The following TTYH2 variants were observed in gnomAD, a reference collection of about 807,000 sequenced individuals.
TTYH2 encodes the protein protein tweety homolog 2.
In TTYH2, 49 loss-of-function variants were observed where a neutral mutation model predicts 68.3. That is an observed-to-expected ratio of 0.72 (90% CI 0.57 to 0.91). The LOEUF (loss-of-function observed/expected upper bound fraction) is 0.91, where lower values mean the gene tolerates loss of function less well. TTYH2 is among the 40% of genes least tolerant of loss of function. The probability of loss-of-function intolerance (pLI) is 0.00; values close to 1 mark genes in which losing one functional copy is unlikely to be tolerated. For synonymous variants in TTYH2, 272 were observed against 300.8 expected, an observed-to-expected ratio of 0.90 and a Z score of 0.99; for missense variants, 631 against 700.4, an observed-to-expected ratio of 0.90 and a Z score of 1.12.
intron 13 of TTYH2, among the ~76,000 whole-genome samples, chr17:74,258,192 C>A (rs114221553): frequency 6.6e-6 from 1 of 152,078 alleles, no homozygotes; most frequent in Non-Finnish European, 1.5e-5. Flanking sequence ...CTCATACTTG[C>A]GTATGCATCA....
intron 3 of TTYH2, among the ~76,000 whole-genome samples, chr17:74,231,418 G>T (rs1267359694): frequency 6.6e-6 from 1 of 152,204 alleles, no homozygotes; most frequent in Non-Finnish European, 1.5e-5. Context: ...TGAGGGCTGG[G>T]CGTGGTGGCT....
Position 74,249,352 on chromosome 17 carries a change from C to G in TTYH2, c.883C>G (p.Arg295Gly), listed in dbSNP as rs779202914. 1.9e-6 allele frequency: 3 copies of G among 1,614,148 alleles called. No individual in the cohort carries two copies. The highest frequency in any genetic ancestry group is 2.2e-5 in the South Asian group (2 of 91,088). The change falls in exon 8 of 14, where the codon CGC becomes GGC. Residue 295 changes from arginine (R) to glycine (G), a missense_variant. Physicochemically the swap from Arg to Gly is moderately radical, Grantham distance 125 (BLOSUM62 -2). Coordinates refer to ENST00000269346, the MANE Select transcript of TTYH2 (RefSeq NM_032646.6). ...ATGCCGTTGCCCTGCAGAGGTGACT[C>G]GCTACTACCTGTATTGCAGCCAGAG... is the stretch of plus-strand genomic sequence containing the variant. ...TEGQISTEVT[R>G]YYLYCSQSGS...
intron 13 of TTYH2, among the ~76,000 whole-genome samples, chr17:74,255,092 G>C (rs138303708): frequency 3.7e-4 from 57 of 152,344 alleles, no homozygotes; most frequent in African/African-American, 1.3e-3. Flanking sequence ...AAAGGACACA[G>C]AAATACTGGC....
rs775992996 is a variant in TTYH2, at chr17:74,231,011, G to A, written c.414+12G>A. ...GGATCGATGCTCTGGTAAGGCTCCC[G>A]GGCAGCTGGCCGGGTACAGGCACAG... On this transcript the variant is annotated intron_variant, in intron 3 of 13. Transcript: ENST00000269346. 36 of 1,612,306 alleles carry A rather than the reference G, an allele frequency of 2.2e-5. No individual in the cohort carries two copies. The highest frequency in any genetic ancestry group is 8.0e-5 in the African/African-American group (6 of 74,974).
At chr17:74,223,786 T>C (rs6501702) in intron 2 of TTYH2, among the ~76,000 whole-genome samples, 31,839 of 152,158 alleles carry the variant, frequency 0.21, 9,833 homozygotes, top group African/African-American at 0.68. Flanking sequence ...AGGCAGGTCC[T>C]GGTCAGCCTG....
chr17:74,214,452 G>A lies in TTYH2; in HGVS notation c.129+736G>A, dbSNP rs1018846612. Among the ~76,000 whole-genome samples, 13 of 152,108 alleles carry A rather than the reference G, an allele frequency of 8.5e-5. No individual in the cohort carries two copies. Among genetic ancestry groups the A allele is most frequent in the Non-Finnish European group, 1.8e-4 (12 of 68,024 alleles). On this transcript the variant is annotated intron_variant, in intron 1 of 13. Coordinates refer to ENST00000269346, the MANE Select transcript of TTYH2 (RefSeq NM_032646.6). This position sits in a 1 kb window ranked among gnomAD's most constrained non-coding sequence, Gnocchi z 4.6. ...CCTGGTCCTAGACTGGCCCATTCCTGTTCCCCCACGCCCCTCTCTCTACCT... is the reference window on the plus strand; with the variant it reads ...CCTGGTCCTAGACTGGCCCATTCCTATTCCCCCACGCCCCTCTCTCTACCT...
chr17:74,257,589 G>A (rs375603063), intron 13 of TTYH2, among the ~76,000 whole-genome samples: 236 of 152,314 alleles, frequency 1.5e-3, no homozygotes, highest in African/African-American at 5.4e-3. Flanking sequence ...CTCACTGGGT[G>A]GGTGATGTCA....
At chr17:74,259,698 T>C (rs950796861) in intron 13 of TTYH2, among the ~76,000 whole-genome samples, 2 of 152,148 alleles carry the variant, frequency 1.3e-5, no homozygotes, top group African/African-American at 2.4e-5. Flanking sequence ...GGTGCTCTTA[T>C]GTCCATTTTG....
chr17:74,231,003 A>G lies in TTYH2; in HGVS notation c.414+4A>G. 1 of 1,613,316 alleles carries G rather than the reference A, an allele frequency of 6.2e-7. No homozygotes were observed. Among genetic ancestry groups the G allele is most frequent in the Non-Finnish European group, 8.5e-7 (1 of 1,179,638 alleles). On this transcript the variant is annotated splice_donor_region_variant and intron_variant, in intron 3 of 13. Coordinates refer to ENST00000269346, the MANE Select transcript of TTYH2 (RefSeq NM_032646.6). ...CTTCTCTGGGATCGATGCTCTGGTA[A>G]GGCTCCCGGGCAGCTGGCCGGGTAC...
At chr17:74,233,335 A>C (rs2050409148) in intron 3 of TTYH2, among the ~76,000 whole-genome samples, 1 of 152,152 alleles carries the variant, frequency 6.6e-6, no homozygotes, top group African/African-American at 2.4e-5. Context: ...ATCTTAGAAG[A>C]CTTCCCAGAT....
At chr17:74,246,582 T>C (rs915095207) in intron 6 of TTYH2, among the ~76,000 whole-genome samples, 4 of 152,078 alleles carry the variant, frequency 2.6e-5, no homozygotes, top group Non-Finnish European at 2.9e-5. Flanking sequence ...CCTGGGCTGG[T>C]TACTGGGCAG....
At chr17:74,220,889 C>T (rs2050269369) in intron 1 of TTYH2, among the ~76,000 whole-genome samples, 2 of 152,072 alleles carry the variant, frequency 1.3e-5, no homozygotes, top group South Asian at 4.1e-4. Context: ...CAGTCTCAAG[C>T]GATCTTCCCA....
In TTYH2 at chr17:74,215,705, T is replaced by C. The variant is rs1193408246; in HGVS notation, c.129+1989T>C. ...TCTGGGTGTTATTTAAGGTGGCTCC[T>C]GTTTTTGGTAAGTTCCCCTGTTGTG... is the stretch of plus-strand genomic sequence containing the variant. On this transcript the variant is annotated intron_variant, in intron 1 of 13. Coordinates refer to ENST00000269346, the MANE Select transcript of TTYH2 (RefSeq NM_032646.6). This position sits in a 1 kb window ranked among gnomAD's most constrained non-coding sequence, Gnocchi z 4.3. 6 of 1,533,292 alleles carry C rather than the reference T, an allele frequency of 3.9e-6. No individual in the cohort carries two copies. The highest frequency in any genetic ancestry group is 5.2e-6 in the Non-Finnish European group (6 of 1,146,846). 95.0% of individuals were successfully genotyped at this position (1,533,292 alleles called of 1,614,324 possible). A position where few individuals can be genotyped will look rare whatever the true frequency, so the allele number is the denominator to read the frequency against.
chr17:74,248,473 A>C (rs904266316), intron 6 of TTYH2: 1 of 988,020 alleles, frequency 1.0e-6, no homozygotes, highest in Non-Finnish European at 1.2e-6. Flanking sequence ...GAGCACCTGC[A>C]CCCAAGGCTC....
intron 13 of TTYH2, 67 bp downstream of exon 13, chr17:74,253,900 T>C (rs2050665610): frequency 2.0e-6 from 3 of 1,501,076 alleles, no homozygotes; most frequent in African/African-American, 1.4e-5. Flanking sequence ...GCCAACCCAG[T>C]GAATCCTGTC....
intron 10 of TTYH2, chr17:74,251,993 G>C: frequency 3.8e-6 from 2 of 533,114 alleles, no homozygotes; most frequent in Non-Finnish European, 6.7e-6. Context: ...TTCAGAGCCA[G>C]CTTCTTAGTG....
intron 13 of TTYH2, among the ~76,000 whole-genome samples, chr17:74,259,829 T>C (rs2050729852): frequency 6.6e-6 from 1 of 152,244 alleles, no homozygotes; most frequent in Non-Finnish European, 1.5e-5. Flanking sequence ...CTCAGCCTGC[T>C]GGCTGCTGAC....
intron 9 of TTYH2, 106 bp from the exon 10 acceptor site, chr17:74,250,159 T>C: frequency 6.9e-7 from 1 of 1,459,698 alleles, no homozygotes; most frequent in Non-Finnish European, 9.4e-7. Flanking sequence ...GTGACTCGGC[T>C]CCCTCCCTTG....
intron 1 of TTYH2, among the ~76,000 whole-genome samples, chr17:74,219,626 G>T (rs1352359203): frequency 6.6e-6 from 1 of 152,096 alleles, no homozygotes; most frequent in African/African-American, 2.4e-5. Context: ...CTACTCATGA[G>T]TATCTCTGAC....
Sources: allele counts gnomAD v4.1 joint callset (sites outside exome capture counted in the v4.1 genomes callset), GRCh38; gene constraint gnomAD v4.1.1; non-coding constraint Gnocchi (gnomAD v3.1); transcripts MANE v1.5; gene names NCBI Gene and HGNC (gene_info 2026-07-23, HGNC 2026-07-21).